The following NR2C2 variants were observed in gnomAD, a reference collection of about 807,000 sequenced individuals.
NR2C2 encodes nuclear receptor subfamily 2 group C member 2, also known as Nuclear hormone receptor TR4.
A neutral mutation model predicts 62.9 loss-of-function variants in NR2C2; 6 were observed. That is an observed-to-expected ratio of 0.10 (90% CI 0.05 to 0.19). NR2C2 has a LOEUF of 0.19. NR2C2 is among the 10% of genes least tolerant of loss of function. NR2C2 has a pLI of 1.00. For missense variants in NR2C2, 479 were observed against 762.7 expected (o/e 0.63, Z 4.38); for synonymous variants, 272 against 273.8 (o/e 0.99, Z 0.07).
rs946830989 is a variant in NR2C2, at chr3:15,000,890, C to T, written c.-39-2986C>T. 2.4e-4 allele frequency among the ~76,000 whole-genome samples: 35 copies of T among 148,724 alleles called. 1 individual carries two copies. Among genetic ancestry groups the T allele is most frequent in the Admixed American group, 2.0e-3 (30 of 14,716 alleles). On this transcript the variant is annotated intron_variant, in intron 1 of 13. Transcript: ENST00000425241. ...AATGCAGTGGCACAATGTCGGCTCA[C>T]TGCAAGCTCTGCCTCCCGGATTCAC...
intron 1 of NR2C2, among the ~76,000 whole-genome samples, chr3:14,956,286 GCTAT>G (rs752650090): frequency 2.0e-5 from 3 of 152,026 alleles, no homozygotes; most frequent in Non-Finnish European, 4.4e-5. Flanking sequence ...CCTCTCTCAG[GCTAT>G]CTAAATCCTT....
intron 1 of NR2C2, among the ~76,000 whole-genome samples, chr3:15,001,158 C>A (rs1239771058): frequency 6.6e-6 from 1 of 151,780 alleles, no homozygotes; most frequent in Admixed American, 6.6e-5. Flanking sequence ...TTATAGTTTT[C>A]AGTATTCAAA....
intron 4 of NR2C2, among the ~76,000 whole-genome samples, chr3:15,019,301 C>T (rs1173574312): frequency 6.6e-6 from 1 of 151,974 alleles, no homozygotes; most frequent in African/African-American, 2.4e-5. Context: ...GAAAAGGGAA[C>T]ACTTACACAT....
At chr3:15,025,008 G>C (rs9861914) in intron 7 of NR2C2, among the ~76,000 whole-genome samples, 89 of 152,342 alleles carry the variant, frequency 5.8e-4, no homozygotes, top group African/African-American at 2.1e-3. Context: ...GCCTGTCATG[G>C]AGAGCTGCCC....
At chr3:14,970,015 C>G (rs959350199) in intron 1 of NR2C2, among the ~76,000 whole-genome samples, 6 of 152,140 alleles carry the variant, frequency 3.9e-5, no homozygotes, top group Non-Finnish European at 8.8e-5. Flanking sequence ...ATCCTGCCCT[C>G]TAACTGGATG....
At chr3:15,030,123 G>C in intron 8 of NR2C2, 152 bp from the exon 9 acceptor site, 1 of 678,304 alleles carries the variant, frequency 1.5e-6, no homozygotes, top group Non-Finnish European at 2.4e-6. Context: ...TCAATAGTTT[G>C]AGACCAGCCT....
chr3:14,994,977 C>CTTTTTTT (rs71038447), intron 1 of NR2C2, among the ~76,000 whole-genome samples: 1 of 104,150 alleles, frequency 9.6e-6, no homozygotes, highest in African/African-American at 4.0e-5. Context: ...ATACAATTCA[C>CTTTTTTT]TTTTTTTTTT....
At chr3:15,007,128 C>CTTT (rs1189765777) in intron 2 of NR2C2, among the ~76,000 whole-genome samples, 2 of 134,708 alleles carry the variant, frequency 1.5e-5, no homozygotes, top group East Asian at 2.2e-4. Context: ...CCTGACCTCT[C>CTTT]TTTTTTTTTT....
intron 3 of NR2C2, 57 bp from the exon 4 acceptor site, chr3:15,016,095 C>A: frequency 3.0e-6 from 4 of 1,351,828 alleles, no homozygotes; most frequent in Non-Finnish European, 3.2e-6. Flanking sequence ...AGCCACCGTG[C>A]CCGGCAGTGA....
chr3:15,024,329 T>C, intron 7 of NR2C2, 121 bp downstream of exon 7: 1 of 656,530 alleles, frequency 1.5e-6, no homozygotes, highest in African/African-American at 1.9e-5. Context: ...ATGACCTATG[T>C]CTCGGTCTCC....
intron 2 of NR2C2, among the ~76,000 whole-genome samples, chr3:15,010,082 A>G (rs1039287533): frequency 4.6e-5 from 7 of 152,212 alleles, no homozygotes; most frequent in Non-Finnish European, 1.0e-4. Context: ...GCTGGAATGT[A>G]TCTTTTCAGG....
At chr3:15,020,667 A>G (rs952757449) in intron 4 of NR2C2, 86 bp from the exon 5 acceptor site, 2 of 1,486,236 alleles carry the variant, frequency 1.3e-6, no homozygotes, top group African/African-American at 1.4e-5. Context: ...CTTCAATGAG[A>G]CTTGCACAGG....
chr3:14,999,963 T>C (rs2040942501), intron 1 of NR2C2, among the ~76,000 whole-genome samples: 1 of 152,218 alleles, frequency 6.6e-6, no homozygotes, highest in South Asian at 2.1e-4. Context: ...GACTACAATG[T>C]GTAAAAATTA....
Position 15,007,761 on chromosome 3 carries a change from G to A in NR2C2, c.72+3775G>A, listed in dbSNP as rs1029209638. ...GATAAGACAAGACTGAGTGAGGAAA[G>A]GAGTATGTGAGAGCTTAGAGGGAAG... On this transcript the variant is annotated intron_variant, in intron 2 of 13. Transcript: ENST00000425241. 2.6e-5 allele frequency among the ~76,000 whole-genome samples: 4 copies of A among 152,342 alleles called. No homozygotes were observed. In the South Asian group the frequency reaches 8.3e-4, roughly 32 times the overall value.
chr3:14,956,307 T>A (rs1265731831), intron 1 of NR2C2, among the ~76,000 whole-genome samples: 1 of 152,234 alleles, frequency 6.6e-6, no homozygotes, highest in African/African-American at 2.4e-5. Context: ...CCTTCCATTT[T>A]AATTTTCCCA....
chr3:15,034,413 A>T (rs943433863), intron 10 of NR2C2: 1 of 402,500 alleles, frequency 2.5e-6, no homozygotes, highest in Admixed American at 4.1e-5. Flanking sequence ...GTTTGGCCAT[A>T]CCTATTAACA....
At chr3:14,998,739 C>T (rs977561167) in intron 1 of NR2C2, among the ~76,000 whole-genome samples, 41 of 152,232 alleles carry the variant, frequency 2.7e-4, no homozygotes, top group African/African-American at 9.6e-4. Flanking sequence ...AGTTCAGGTA[C>T]GCTGGCTCAC....
Position 15,043,640 on chromosome 3 carries a change from G to T in NR2C2, c.*632G>T, listed in dbSNP as rs564104093. ...TGAGCTGAATTCTGTGAATGGAAAC[G>T]TGGCTCATTTGCATCATGCAGTAAG... is the stretch of plus-strand genomic sequence containing the variant. On this transcript the variant is annotated 3_prime_UTR_variant, in exon 14 of 14. Coordinates refer to ENST00000425241, the MANE Select transcript of NR2C2 (RefSeq NM_001291694.2). 1 of 152,610 alleles carries T rather than the reference G, an allele frequency of 6.6e-6. No individual in the cohort carries two copies. Among genetic ancestry groups the T allele is most frequent in the Non-Finnish European group, 1.5e-5 (1 of 68,066 alleles). The allele number at this position is 152,610 out of a possible 1,614,324, so 9.5% of individuals were successfully genotyped here.
intron 2 of NR2C2, among the ~76,000 whole-genome samples, chr3:15,006,206 A>G (rs924317924): frequency 1.3e-5 from 2 of 152,188 alleles, no homozygotes; most frequent in African/African-American, 4.8e-5. Context: ...CCCTGTCTCA[A>G]AAAAATAAAA....
Sources: gnomAD v4.1 joint callset for allele counts (sites outside exome capture counted in the v4.1 genomes callset) on GRCh38, gnomAD v4.1.1 for gene constraint, MANE v1.5 for transcripts, NCBI Gene and HGNC (gene_info 2026-07-23, HGNC 2026-07-21) for gene names.